SNTB2: variants seen among roughly 807,000 people sequenced by gnomAD.
SNTB2 encodes syntrophin beta 2.
A neutral mutation model predicts 46.2 loss-of-function variants in SNTB2; 34 were observed. That is an observed-to-expected ratio of 0.74 (90% CI 0.56 to 0.98). The LOEUF is 0.98. Among genes scored for constraint, SNTB2 ranks in the 50% least tolerant of loss-of-function variants. The pLI is 0.00. For missense variants in SNTB2, 603 were observed against 731.4 expected (o/e 0.82, Z 2.02); for synonymous variants, 290 against 312.6 (o/e 0.93, Z 0.76).
intron 1 of SNTB2, among the ~76,000 whole-genome samples, chr16:69,198,478 A>G (rs1310113992): frequency 6.6e-6 from 1 of 152,158 alleles, no homozygotes; most frequent in Non-Finnish European, 1.5e-5. Context: ...CTTCTCTTTA[A>G]GGAGTTTGTG....
chr16:69,258,209 A>C (rs1464018781), intron 2 of SNTB2, among the ~76,000 whole-genome samples: 3 of 152,198 alleles, frequency 2.0e-5, no homozygotes, highest in Non-Finnish European at 4.4e-5. Flanking sequence ...GCAGTTTGTC[A>C]ATTTGTAGCC....
chr16:69,270,342 A>G (rs1245141084), intron 4 of SNTB2, 57 bp downstream of exon 4: 9 of 1,594,390 alleles, frequency 5.6e-6, no homozygotes, highest in Non-Finnish European at 6.9e-6. Flanking sequence ...AATCTACAAA[A>G]GAATTTTAAA....
intron 3 of SNTB2, among the ~76,000 whole-genome samples, chr16:69,264,765 G>C (rs1369956813): frequency 6.6e-6 from 1 of 152,070 alleles, no homozygotes; most frequent in Non-Finnish European, 1.5e-5. Context: ...AGAAGATTAA[G>C]GGGAGAATCC....
At chr16:69,267,010 A>G (rs1475758695) in intron 3 of SNTB2, among the ~76,000 whole-genome samples, 2 of 150,494 alleles carry the variant, frequency 1.3e-5, no homozygotes, top group African/African-American at 4.9e-5. Context: ...TAAAACATTT[A>G]CTTTTAAAAA....
chr16:69,235,910 T>C (rs1163281678), intron 1 of SNTB2: 3 of 1,213,778 alleles, frequency 2.5e-6, no homozygotes, highest in African/African-American at 3.1e-5. Context: ...TAGATATATA[T>C]AGAATTACTG....
At chr16:69,219,939 C>T (rs923554788) in intron 1 of SNTB2, among the ~76,000 whole-genome samples, 3 of 151,490 alleles carry the variant, frequency 2.0e-5, no homozygotes, top group Non-Finnish European at 2.9e-5. Context: ...TTGGTAGAAA[C>T]GGGGGTTTCA....
intron 4 of SNTB2, among the ~76,000 whole-genome samples, chr16:69,274,794 C>G (rs1468822558): frequency 6.6e-6 from 1 of 151,872 alleles, no homozygotes; most frequent in African/African-American, 2.4e-5. Context: ...CCTCTGGTCT[C>G]AAAAAAATTA....
intron 1 of SNTB2, among the ~76,000 whole-genome samples, chr16:69,225,534 T>G (rs12923039): frequency 6.6e-6 from 1 of 152,272 alleles, no homozygotes; most frequent in Non-Finnish European, 1.5e-5. Flanking sequence ...GATTTTATTT[T>G]ATTTGCTGCT....
Position 69,299,013 on chromosome 16 carries a change from A to G in SNTB2, c.1346-577A>G, listed in dbSNP as rs147732975. On this transcript the variant is annotated intron_variant, in intron 5 of 6. Transcript: ENST00000336278. ...CAGGGACTGTGCCTCTTACTTCTCT[A>G]GTGCCTTGCACAGCCTACACACACT... Among the ~76,000 whole-genome samples the G allele has an allele frequency of 1.8e-3, 275 of 152,266 alleles. 1 individual carries two copies. Among genetic ancestry groups the G allele is most frequent in the African/African-American group, 6.4e-3 (264 of 41,550 alleles).
intron 1 of SNTB2, chr16:69,235,945 A>G: frequency 1.0e-6 from 1 of 973,596 alleles, no homozygotes; most frequent in South Asian, 1.7e-5. Context: ...CATCTTAGTA[A>G]GCTCCCATTA....
chr16:69,280,146 C>G (rs1965025783), intron 4 of SNTB2, among the ~76,000 whole-genome samples: 1 of 152,180 alleles, frequency 6.6e-6, no homozygotes, highest in Non-Finnish European at 1.5e-5. Context: ...TGAGTGGACA[C>G]AGCACATGTT....
Position 69,292,933 on chromosome 16 carries a change from C to T in SNTB2, c.1346-6657C>T, listed in dbSNP as rs867941565. 9.2e-5 allele frequency among the ~76,000 whole-genome samples: 14 copies of T among 152,002 alleles called. No homozygotes were observed. The East Asian group carries it at 1.2e-3, about 13-fold the overall frequency. Reference sequence around the variant, plus strand: ...CAGTGCCTCACCCCACAACCCCCAACTTAGGAATCTGAGAAGTAGTAGTCA... The same window carrying T: ...CAGTGCCTCACCCCACAACCCCCAATTTAGGAATCTGAGAAGTAGTAGTCA... On this transcript the variant is annotated intron_variant, in intron 5 of 6. Coordinates refer to ENST00000336278, the MANE Select transcript of SNTB2 (RefSeq NM_006750.4).
At chr16:69,203,164 C>T (rs1213130813) in intron 1 of SNTB2, among the ~76,000 whole-genome samples, 4 of 149,164 alleles carry the variant, frequency 2.7e-5, no homozygotes, top group Admixed American at 6.7e-5. Context: ...ATTACAGGCG[C>T]CCACCACCAC....
intron 1 of SNTB2, among the ~76,000 whole-genome samples, chr16:69,201,662 GAAAAC>G (rs1404362397): frequency 6.6e-6 from 1 of 151,962 alleles, no homozygotes; most frequent in Non-Finnish European, 1.5e-5. Context: ...ATACTTCTCA[GAAAAC>G]AAAACAAAAA....
chr16:69,294,735 A>G (rs1965206485), intron 5 of SNTB2, among the ~76,000 whole-genome samples: 1 of 152,050 alleles, frequency 6.6e-6, no homozygotes, highest in African/African-American at 2.4e-5. Flanking sequence ...TCCATCTAAA[A>G]TAAAATAAAA....
chr16:69,200,165 C>G (rs187640436), intron 1 of SNTB2, among the ~76,000 whole-genome samples: 2 of 152,140 alleles, frequency 1.3e-5, no homozygotes, highest in South Asian at 4.1e-4. Context: ...CCGCCTGCCT[C>G]GGCCTCCCAA....
chr16:69,263,919 G>A (rs1259525280), intron 3 of SNTB2, among the ~76,000 whole-genome samples: 3 of 147,746 alleles, frequency 2.0e-5, no homozygotes, highest in Non-Finnish European at 4.5e-5. Flanking sequence ...GTCTCACTCT[G>A]TTGCAGTGGC....
rs8046233 is a variant in SNTB2, at chr16:69,254,341, C to T, written c.795-5709C>T. On this transcript the variant is annotated intron_variant, in intron 2 of 6. Transcript: ENST00000336278. ...GCTTCCCCGGCCTCTTAGGGATTCT[C>T]CAACATGGATTGGCTGGGATTTGGC... 8.7e-3 allele frequency among the ~76,000 whole-genome samples: 1,322 copies of T among 152,248 alleles called. 25 individuals are homozygous for T. The highest frequency in any genetic ancestry group is 0.029 in the African/African-American group (1,223 of 41,548).
chr16:69,221,109 C>T (rs766889933), intron 1 of SNTB2, among the ~76,000 whole-genome samples: 5 of 152,010 alleles, frequency 3.3e-5, no homozygotes, highest in Non-Finnish European at 7.3e-5. Context: ...AATATAGTAA[C>T]GCTTATTGTG....
Sources: allele counts gnomAD v4.1 joint callset (sites outside exome capture counted in the v4.1 genomes callset), GRCh38; gene constraint gnomAD v4.1.1; transcripts MANE v1.5; gene names NCBI Gene and HGNC (gene_info 2026-07-23, HGNC 2026-07-21).